The following CEP295 variants were observed in gnomAD, a reference collection of about 807,000 sequenced individuals.
The protein encoded by CEP295 is centrosomal protein of 295 kDa.
CEP295 carries 190 observed loss-of-function variants against 291.6 expected under a neutral mutation model. The observed-to-expected ratio is 0.65, with a 90% confidence interval of 0.58 to 0.73. The LOEUF is 0.73. Among genes scored for constraint, CEP295 ranks in the 30% least tolerant of loss-of-function variants. The pLI is 0.00. For missense variants in CEP295, 2,863 were observed against 2,949.4 expected, an observed-to-expected ratio of 0.97 and a Z score of 0.68; for synonymous variants, 993 against 1,038.8, an observed-to-expected ratio of 0.96 and a Z score of 0.85.
In CEP295 at chr11:93,699,815, A is replaced by G. The variant is rs1465581646; in HGVS notation, c.4903A>G (p.Ser1635Gly). Residue 1635 changes from serine (S) to glycine (G), a missense_variant, in exon 15 of 30, where the codon AGT becomes GGT. Around this residue, in one of 3 missense-constraint regions of CEP295, gnomAD observed 2,295 missense variants for 2,335.7 expected, o/e 0.98. Transcript: ENST00000325212. ...SLNKQRKLNKSESAEHTIPSL... is the reference protein window; with the variant it reads ...SLNKQRKLNKGESAEHTIPSL... ...AAACAAACAAAGAAAGTTGAACAAA[A>G]GTGAATCTGCTGAGCATACTATCCC... 1.3e-6 allele frequency: 2 copies of G among 1,552,172 alleles called. No homozygotes were observed. Among genetic ancestry groups the G allele is most frequent in the East Asian group, 4.9e-5 (2 of 40,922 alleles).
chr11:93,724,165 C>A, intron 21 of CEP295, 89 bp from the exon 22 acceptor site: 2 of 1,226,606 alleles, frequency 1.6e-6, no homozygotes, highest in South Asian at 1.5e-5. Flanking sequence ...TGAATATGTT[C>A]TTAATACTCC....
chr11:93,664,419 C>A (rs557056621), intron 1 of CEP295, among the ~76,000 whole-genome samples: 1 of 152,344 alleles, frequency 6.6e-6, no homozygotes, highest in East Asian at 1.9e-4. Flanking sequence ...GGCCTTGTTT[C>A]TTCATGTATA....
In CEP295 at chr11:93,728,671, T is replaced by C. The variant is rs1937776587; in HGVS notation, c.7162-10T>C. On this transcript the variant is annotated splice_polypyrimidine_tract_variant and intron_variant, in intron 24 of 29. Coordinates refer to ENST00000325212, the MANE Select transcript of CEP295 (RefSeq NM_033395.2). Reference sequence around the variant, plus strand: ...TTTGACATGGTTTTCCTTTTAATTGTGGTTCACAGGAAACAGAAACTGGCC... The same window carrying C: ...TTTGACATGGTTTTCCTTTTAATTGCGGTTCACAGGAAACAGAAACTGGCC... 6.6e-7 allele frequency: 1 copy of C among 1,521,094 alleles called. No individual in the cohort carries two copies. The highest frequency in any genetic ancestry group is 8.8e-7 in the Non-Finnish European group (1 of 1,137,772). 94.2% of individuals were successfully genotyped at this position (1,521,094 alleles called of 1,614,324 possible).
chr11:93,669,877 G>A, intron 5 of CEP295, 107 bp downstream of exon 5: 2 of 682,490 alleles, frequency 2.9e-6, no homozygotes, highest in South Asian at 2.1e-5. Flanking sequence ...AAGTTTTCTT[G>A]TACAATTAAA....
At chr11:93,693,912 A>T (rs1328500614) in intron 12 of CEP295, among the ~76,000 whole-genome samples, 1 of 152,240 alleles carries the variant, frequency 6.6e-6, no homozygotes, top group Admixed American at 6.5e-5. Flanking sequence ...GTAACTGAGG[A>T]ACTAAATTTT....
In CEP295 at chr11:93,687,863, A is replaced by C. The variant is rs1425325545; in HGVS notation, c.1334A>C (p.Gln445Pro). Residue 445 changes from glutamine to proline, a missense_variant and splice_region_variant, in exon 10 of 30, where the codon CAA (glutamine) becomes CCA (proline). By Grantham distance (76) the Gln-to-Pro change is moderately conservative. Around this residue, in one of 3 missense-constraint regions of CEP295, gnomAD observed 554 missense variants for 576.0 expected, o/e 0.96. Transcript: ENST00000325212. ...KERTLSSGQE[Q>P]VVESDTLTIE... ...AGAACGTTATCCTCTGGGCAGGAAC[A>C]AGGTATTTCTCTCCAAGAGTCTCAT... 1 of 1,543,876 alleles carries C rather than the reference A, an allele frequency of 6.5e-7. No homozygotes were observed. Among genetic ancestry groups the C allele is most frequent in the Admixed American group, 2.0e-5 (1 of 49,886 alleles).
intron 13 of CEP295, 130 bp downstream of exon 13, chr11:93,695,764 A>G (rs1951815539): frequency 9.2e-7 from 1 of 1,089,510 alleles, no homozygotes; most frequent in Non-Finnish European, 1.2e-6. Context: ...TAATCTCAGC[A>G]CTTTGGGTGG....
At chr11:93,709,946 C>G (rs1952786736) in intron 18 of CEP295, among the ~76,000 whole-genome samples, 3 of 151,976 alleles carry the variant, frequency 2.0e-5, no homozygotes, top group Admixed American at 2.0e-4. Flanking sequence ...AGGTGATTTG[C>G]TTTTGGCATA....
At chr11:93,666,261 A>G (rs1018975943) in intron 1 of CEP295, among the ~76,000 whole-genome samples, 2 of 152,230 alleles carry the variant, frequency 1.3e-5, no homozygotes, top group South Asian at 2.1e-4. Context: ...CCTTGCATGT[A>G]TATAACCCTT....
chr11:93,667,850 T>G, intron 3 of CEP295, 43 bp downstream of exon 3: 2 of 1,333,392 alleles, frequency 1.5e-6, no homozygotes, highest in East Asian at 2.6e-5. Context: ...GGCAGTAATA[T>G]TAGTAAAAAG....
chr11:93,677,753 T>A (rs1950766207), intron 6 of CEP295, among the ~76,000 whole-genome samples: 1 of 152,194 alleles, frequency 6.6e-6, no homozygotes. Flanking sequence ...CATCATCAAT[T>A]TTCCATGCTC....
chr11:93,675,943 A>G (rs1000020156), intron 6 of CEP295, among the ~76,000 whole-genome samples: 1 of 152,022 alleles, frequency 6.6e-6, no homozygotes, highest in South Asian at 2.1e-4. Flanking sequence ...TTTGTGGAAA[A>G]TTTGGAACTG....
chr11:93,667,457 C>T (rs1451138770), intron 2 of CEP295, 150 bp from the exon 3 acceptor site: 7 of 578,472 alleles, frequency 1.2e-5, no homozygotes, highest in Non-Finnish European at 2.1e-5. Flanking sequence ...AGATTTTCTG[C>T]TTTAAATAGT....
chr11:93,679,417 T>C lies in CEP295; in HGVS notation c.630T>C (p.Asp210=). 1.9e-6 allele frequency: 3 copies of C among 1,548,826 alleles called. No homozygotes were observed. In the South Asian group the frequency reaches 3.6e-5, roughly 19 times the overall value. ...VNRETDTKRP[D]ARLAAEEEAK... is the part of the protein sequence containing the mutation. Reference sequence around the variant, plus strand: ...AATTTTTGATTGACTGCTAGCCAGATGCTCGTTTGGCTGCTGAAGAGGAAG... The same window carrying C: ...AATTTTTGATTGACTGCTAGCCAGACGCTCGTTTGGCTGCTGAAGAGGAAG... The change falls in exon 7 of 30, where the codon GAT becomes GAC. Residue 210 remains aspartate (D), a synonymous_variant. Transcript: ENST00000325212.
chr11:93,669,667 G>T lies in CEP295; in HGVS notation c.435-10G>T. 6.5e-7 allele frequency: 1 copy of T among 1,529,846 alleles called. No homozygotes were observed. Among genetic ancestry groups the T allele is most frequent in the Non-Finnish European group, 8.9e-7 (1 of 1,127,912 alleles). The allele number at this position is 1,529,846 out of a possible 1,614,324, so 94.8% of individuals were successfully genotyped here. ...GAGAGATTAATTGATGACATCTCTT[G>T]TTTCTTAAGGCATATAAAAGCTCGA... On this transcript the variant is annotated splice_polypyrimidine_tract_variant and intron_variant, in intron 4 of 29. Transcript: ENST00000325212.
At position 93,706,735 on chromosome 11, in the gene CEP295, T is replaced by TC. The variant is rs750196737; in HGVS notation, c.5597-3dup. The TC allele has an allele frequency of 3.5e-5, 52 of 1,502,738 alleles. No homozygotes were observed. The highest frequency in any genetic ancestry group is 3.5e-4 in the Middle Eastern group (2 of 5,762). 93.1% of individuals were successfully genotyped at this position (1,502,738 alleles called of 1,614,324 possible). A position where few individuals can be genotyped will look rare whatever the true frequency, so the allele number is the denominator to read the frequency against. On this transcript the variant is annotated splice_polypyrimidine_tract_variant and intron_variant, in intron 17 of 29. Transcript: ENST00000325212. ...CAGAAATTGAAGTGGAAATATTTTT[T>TC]CCCCCCCAGGTAAACCAGGTATTTA...
chr11:93,668,150 A>AC (rs1950272379), intron 3 of CEP295, among the ~76,000 whole-genome samples: 2 of 151,844 alleles, frequency 1.3e-5, no homozygotes, highest in Non-Finnish European at 1.5e-5. Flanking sequence ...GGTGAATTCA[A>AC]CCCCCCAACA....
At position 93,687,864 on chromosome 11, in the gene CEP295, A is replaced by G. The variant is rs1652294520; in HGVS notation, c.1335A>G (p.Gln445=). The G allele has an allele frequency of 1.3e-6, 2 of 1,544,092 alleles. No individual in the cohort carries two copies. The highest frequency in any genetic ancestry group is 1.7e-6 in the Non-Finnish European group (2 of 1,143,240). The change falls in exon 10 of 30, where the codon CAA becomes CAG. Residue 445 remains glutamine (Q), a splice_region_variant and synonymous_variant. Coordinates refer to ENST00000325212, the MANE Select transcript of CEP295 (RefSeq NM_033395.2). ...GAACGTTATCCTCTGGGCAGGAACA[A>G]GGTATTTCTCTCCAAGAGTCTCATT... ...KERTLSSGQE[Q]VVESDTLTIE...
chr11:93,700,898 G>C lies in CEP295; in HGVS notation c.5274+712G>C, dbSNP rs147176901. ...AAATCAATACCATCTTTTTTCTCAA[G>C]TGACACTATTATGGTTTGTTGTAAA... is the stretch of plus-strand genomic sequence containing the variant. On this transcript the variant is annotated intron_variant, in intron 15 of 29. Transcript: ENST00000325212. Among the ~76,000 whole-genome samples, 131 of 152,142 alleles carry C rather than the reference G, an allele frequency of 8.6e-4. 2 individuals are homozygous for C. The highest frequency in any genetic ancestry group is 3.0e-3 in the African/African-American group (125 of 41,506).
Sources: allele counts gnomAD v4.1 joint callset (sites outside exome capture counted in the v4.1 genomes callset), GRCh38; gene constraint gnomAD v4.1.1; regional missense constraint gnomAD v4.1.1; transcripts MANE v1.5; gene names NCBI Gene and HGNC (gene_info 2026-07-23, HGNC 2026-07-21).